Variants in RLN2 observed in about 807,000 individuals in gnomAD.
The protein encoded by RLN2 is relaxin 2, also known as prorelaxin H2.
A neutral mutation model predicts 7.3 loss-of-function variants in RLN2; 10 were observed. The observed-to-expected ratio is 1.36, with a 90% CI of 0.84 to 2.31. The LOEUF (loss-of-function observed/expected upper bound fraction) is 2.31. Among genes scored for constraint, RLN2 ranks in the 30% most tolerant of loss-of-function variants. The pLI is 0.00. For missense variants in RLN2, 298 were observed against 217.6 expected, an observed-to-expected ratio of 1.37 and a Z score of -2.32; for synonymous variants, 103 against 82.3, an observed-to-expected ratio of 1.25 and a Z score of -1.36.
chr9:5,330,637 CAAAAAAA>C, the RLN2 span, among the ~76,000 whole-genome samples: 17 of 74,748 alleles, frequency 2.3e-4, no homozygotes, highest in East Asian at 1.4e-3. Context: ...GACTCCATCT[CAAAAAAA>C]AAAAAAAAAA....
chr9:5,316,157 C>G, the RLN2 span, among the ~76,000 whole-genome samples: 1 of 151,870 alleles, frequency 6.6e-6, no homozygotes, highest in East Asian at 1.9e-4. Flanking sequence ...TGTTAAGAAG[C>G]ACATAATTTT....
rs780405221 is a variant in RLN2 at position 5,300,105 on chromosome 9, A to T, written c.551T>A (p.Phe184Tyr). Residue 184 changes from phenylalanine to tyrosine, a missense_variant, in exon 2 of 2, where the codon TTT becomes TAT. By Grantham distance (22) the Phe-to-Tyr change is conservative (BLOSUM62 3). Transcript: ENST00000381627. ...TGCACAATTAGCTTCATCTCAGCAA[A>T]ATCTAGCAAGAGATCTTTTGGTACA... ...VGCTKRSLAR[F>Y]C The T allele has an allele frequency of 8.8e-6, 14 of 1,592,422 alleles. No individual in the cohort carries two copies. In the Middle Eastern group the frequency reaches 5.1e-4, roughly 58 times the overall value.
At chr9:5,314,188 T>C in the RLN2 span, among the ~76,000 whole-genome samples, 337 of 152,166 alleles carry the variant, frequency 2.2e-3, 1 homozygote, top group African/African-American at 7.6e-3. Context: ...AGAAACATTG[T>C]TGGAATGTGT....
chr9:5,335,592 C>G, the RLN2 span: 10 of 1,592,304 alleles, frequency 6.3e-6, no homozygotes, highest in Non-Finnish European at 8.6e-6. Flanking sequence ...AAGGATGGTA[C>G]AATTTCTGTT....
the RLN2 span, among the ~76,000 whole-genome samples, chr9:5,314,352 C>A: frequency 2.0e-5 from 3 of 151,958 alleles, no homozygotes; most frequent in African/African-American, 7.3e-5. Flanking sequence ...CTCCACCCAC[C>A]CCTCCAAGTT....
chr9:5,309,822 T>G, the RLN2 span, among the ~76,000 whole-genome samples: 1 of 151,938 alleles, frequency 6.6e-6, no homozygotes. Flanking sequence ...GATCTCATAA[T>G]GAGGTGTGCG....
the RLN2 span, among the ~76,000 whole-genome samples, chr9:5,314,661 G>C: frequency 2.0e-5 from 3 of 151,982 alleles, no homozygotes; most frequent in Admixed American, 2.0e-4. Flanking sequence ...ATTAGAGTAT[G>C]AGCTGCTGAG....
the RLN2 span, among the ~76,000 whole-genome samples, chr9:5,320,419 G>A: frequency 1.3e-5 from 2 of 151,170 alleles, no homozygotes; most frequent in Non-Finnish European, 3.0e-5. Flanking sequence ...CGCCTAGGCT[G>A]GAGTGCAGTG....
At chr9:5,322,114 T>C in the RLN2 span, among the ~76,000 whole-genome samples, 3 of 151,894 alleles carry the variant, frequency 2.0e-5, no homozygotes, top group Non-Finnish European at 2.9e-5. Context: ...AGCAGGTAGA[T>C]TAGGATATCA....
Position 5,299,976 on chromosome 9 carries a change from C to A in RLN2, c.*122G>T. ...TTAGATATTCTAAGAATTGATGGGA[C>A]CTAATATCTAACAAAGATTCTTAGA... On this transcript the variant is annotated 3_prime_UTR_variant, in exon 2 of 2. Transcript: ENST00000381627. 1 of 581,924 alleles carries A rather than the reference C, an allele frequency of 1.7e-6. No homozygotes were observed. Among genetic ancestry groups the A allele is most frequent in the South Asian group, 2.9e-5 (1 of 34,250 alleles). 36.0% of individuals were successfully genotyped at this position (581,924 alleles called of 1,614,324 possible).
the RLN2 span, among the ~76,000 whole-genome samples, chr9:5,329,380 T>G: frequency 2.1e-5 from 3 of 144,434 alleles, no homozygotes; most frequent in Non-Finnish European, 3.0e-5. Flanking sequence ...AACATCATAA[T>G]GATGGGATCA....
At chr9:5,309,959 C>A in the RLN2 span, among the ~76,000 whole-genome samples, 1 of 151,908 alleles carries the variant, frequency 6.6e-6, no homozygotes, top group Admixed American at 6.6e-5. Context: ...TAATTAAAGA[C>A]CCTGTGACAC....
chr9:5,330,378 C>T, the RLN2 span, among the ~76,000 whole-genome samples: 4 of 151,832 alleles, frequency 2.6e-5, no homozygotes, highest in Non-Finnish European at 4.4e-5. Context: ...GTGGCTCACG[C>T]CTGTCATCCC....
At chr9:5,319,959 G>A in the RLN2 span, among the ~76,000 whole-genome samples, 1 of 150,524 alleles carries the variant, frequency 6.6e-6, no homozygotes, top group South Asian at 2.1e-4. Flanking sequence ...ATTAAGAAAT[G>A]CACTAAGGTT....
At chr9:5,305,286 T>G (rs1816221781), upstream of RLN2, among the ~76,000 whole-genome samples, 1 of 151,604 alleles carries the variant, frequency 6.6e-6, no homozygotes, top group African/African-American at 2.4e-5. Flanking sequence ...TGGGGATAAA[T>G]TTGATTGTAA....
At chr9:5,336,407 C>T in the RLN2 span, among the ~76,000 whole-genome samples, 1 of 152,026 alleles carries the variant, frequency 6.6e-6, no homozygotes, top group Non-Finnish European at 1.5e-5. Flanking sequence ...TGTTCTTACA[C>T]AGCATCCCAG....
chr9:5,315,982 G>A, the RLN2 span, among the ~76,000 whole-genome samples: 1 of 151,964 alleles, frequency 6.6e-6, no homozygotes, highest in Non-Finnish European at 1.5e-5. Context: ...AAGGACACTA[G>A]TTACTAATAT....
the RLN2 span, among the ~76,000 whole-genome samples, chr9:5,326,060 G>T: frequency 1.3e-5 from 2 of 152,006 alleles, no homozygotes; most frequent in Admixed American, 6.6e-5. Flanking sequence ...ATTATGGCAT[G>T]TATTAAAGCA....
At chr9:5,336,466 C>G in the RLN2 span, among the ~76,000 whole-genome samples, 2 of 151,988 alleles carry the variant, frequency 1.3e-5, no homozygotes, top group Non-Finnish European at 2.9e-5. Context: ...CTGCTGGACA[C>G]CCAGCTGACA....
Sources: gnomAD v4.1 joint callset for allele counts (sites outside exome capture counted in the v4.1 genomes callset) on GRCh38, gnomAD v4.1.1 for gene constraint, MANE v1.5 for transcripts, NCBI Gene and HGNC (gene_info 2026-07-23, HGNC 2026-07-21) for gene names.